The following SGCD variants were observed in gnomAD, a reference collection of about 807,000 sequenced individuals.
The protein encoded by SGCD is delta-sarcoglycan.
A neutral mutation model predicts 36.6 loss-of-function variants in SGCD; 18 were observed. The ratio of observed to expected loss-of-function variants is 0.49; its 90% CI spans 0.34 to 0.73. SGCD has a LOEUF of 0.73. SGCD is among the 30% of genes least tolerant of loss of function. SGCD has a pLI of 0.01. For missense variants in SGCD, 387 were observed against 346.7 expected (o/e 1.12, Z -0.92); for synonymous variants, 133 against 130.6 (o/e 1.02, Z -0.12).
chr5:156,685,006 G>A (rs922077303), intron 7 of SGCD, among the ~76,000 whole-genome samples: 27 of 152,236 alleles, frequency 1.8e-4, no homozygotes, highest in Middle Eastern at 6.8e-3. Context: ...AGATATACTC[G>A]CATTTAGGGA....
chr5:156,151,719 G>A (rs1419830878), intron 3 of SGCD, among the ~76,000 whole-genome samples: 2 of 151,626 alleles, frequency 1.3e-5, no homozygotes, highest in Admixed American at 6.6e-5. Context: ...GGAAGCCAAT[G>A]TAGAATACAC....
In SGCD at chr5:156,550,499, C is replaced by T. The variant is rs115128346; in HGVS notation, c.295-38732C>T. 2.8e-3 allele frequency among the ~76,000 whole-genome samples: 422 copies of T among 152,304 alleles called. 2 individuals carry two copies. The highest frequency in any genetic ancestry group is 9.9e-3 in the African/African-American group (410 of 41,564). On this transcript the variant is annotated intron_variant, in intron 4 of 8. Coordinates refer to ENST00000337851, the MANE Select transcript of SGCD (RefSeq NM_000337.6). ...GTGAGCCTGGGGCCTGCTGGTGCAG[C>T]CAGTAAGAGCTAACTTTATGACCAT...
intron 3 of SGCD, among the ~76,000 whole-genome samples, chr5:156,391,704 A>G (rs1771579090): frequency 6.6e-6 from 1 of 152,236 alleles, no homozygotes; most frequent in Non-Finnish European, 1.5e-5. Context: ...GGATTTTGGT[A>G]TCTGCAGGGG....
chr5:156,118,466 G>A (rs960494102), intron 2 of SGCD, among the ~76,000 whole-genome samples: 2 of 152,244 alleles, frequency 1.3e-5, no homozygotes, highest in South Asian at 4.1e-4. Flanking sequence ...CTGGGTGGAT[G>A]CACACAGAGA....
chr5:156,459,754 A>G (rs1401235070), intron 3 of SGCD, among the ~76,000 whole-genome samples: 1 of 152,168 alleles, frequency 6.6e-6, no homozygotes, highest in Admixed American at 6.5e-5. Flanking sequence ...TCAAGGTTTA[A>G]CTAAACTGAT....
At chr5:156,497,243 T>A (rs184545512) in intron 3 of SGCD, among the ~76,000 whole-genome samples, 1 of 151,574 alleles carries the variant, frequency 6.6e-6, no homozygotes, top group African/African-American at 2.4e-5. Flanking sequence ...AGATGGTTTC[T>A]AAAGAGAATC....
At chr5:156,465,742 A>T (rs903976854) in intron 3 of SGCD, among the ~76,000 whole-genome samples, 1 of 152,162 alleles carries the variant, frequency 6.6e-6, no homozygotes, top group African/African-American at 2.4e-5. Context: ...AATTGAATCA[A>T]TTCAAAGCCT....
the SGCD span, among the ~76,000 whole-genome samples, chr5:155,812,935 G>A: frequency 9.2e-3 from 1,394 of 152,262 alleles, 22 homozygotes; most frequent in African/African-American, 0.032. Context: ...GGAAAGTGAT[G>A]CTTTAAATGA....
At chr5:156,017,746 A>T (rs577232258) in intron 1 of SGCD, among the ~76,000 whole-genome samples, 2 of 152,108 alleles carry the variant, frequency 1.3e-5, no homozygotes, top group African/African-American at 2.4e-5. Context: ...GTCTTATTTT[A>T]TAGTTTTTAT....
rs149594751 is a variant in SGCD, at chr5:156,073,934, G to A, written c.-281-43944G>A. The stretch of plus-strand genomic sequence containing the variant: ...GAGAAAAGTGGCAAAGCACTGGGGT[G>A]GAGAGGAGCCATTTCATGGAAGAAG... On this transcript the variant is annotated intron_variant, in intron 1 of 9. Transcript: ENST00000517913. Among the ~76,000 whole-genome samples the A allele has an allele frequency of 1.9e-3, 287 of 152,280 alleles. 1 individual carries two copies. Among genetic ancestry groups the A allele is most frequent in the African/African-American group, 6.7e-3 (280 of 41,554 alleles).
chr5:156,334,612 T>TTTC (rs1768238095), intron 2 of SGCD, among the ~76,000 whole-genome samples: 2 of 145,866 alleles, frequency 1.4e-5, no homozygotes, highest in African/African-American at 2.6e-5. Context: ...CTATTTTCTT[T>TTTC]TTTTTTTTTT....
chr5:156,107,154 C>G (rs950614889), intron 1 of SGCD, among the ~76,000 whole-genome samples: 2 of 152,104 alleles, frequency 1.3e-5, no homozygotes, highest in African/African-American at 4.8e-5. Flanking sequence ...CTGCTGCTGT[C>G]TGCTACCAAT....
chr5:156,085,801 C>T (rs887721924), intron 1 of SGCD, among the ~76,000 whole-genome samples: 3 of 152,142 alleles, frequency 2.0e-5, no homozygotes, highest in South Asian at 4.1e-4. Context: ...CCAGGTGATC[C>T]AGGGTTTCTT....
chr5:156,368,578 CGTAGACCA>C (rs1236841458), intron 3 of SGCD, among the ~76,000 whole-genome samples: 1 of 152,136 alleles, frequency 6.6e-6, no homozygotes, highest in Non-Finnish European at 1.5e-5. Context: ...ACTTCTGGAC[CGTAGACCA>C]GTACTGGCTA....
chr5:156,668,786 G>A (rs900575561), intron 7 of SGCD, among the ~76,000 whole-genome samples: 1 of 152,152 alleles, frequency 6.6e-6, no homozygotes, highest in African/African-American at 2.4e-5. Context: ...TATAGGAAAA[G>A]CAAGGGGTGA....
intron 6 of SGCD, among the ~76,000 whole-genome samples, chr5:156,606,998 C>T (rs1207988321): frequency 1.3e-5 from 2 of 152,160 alleles, no homozygotes; most frequent in African/African-American, 2.4e-5. Context: ...CAAACAGGGA[C>T]AATTTGACTT....
chr5:156,558,455 C>T (rs1357486220), intron 4 of SGCD, among the ~76,000 whole-genome samples: 1 of 151,956 alleles, frequency 6.6e-6, no homozygotes, highest in Non-Finnish European at 1.5e-5. Context: ...TTAGTTTTGC[C>T]ACACTCCTAA....
At chr5:156,352,652 T>G (rs1440472978) in intron 3 of SGCD, among the ~76,000 whole-genome samples, 1 of 152,340 alleles carries the variant, frequency 6.6e-6, no homozygotes, top group East Asian at 1.9e-4. Flanking sequence ...TTGTCACTTG[T>G]GATCATGTAA....
Position 156,161,057 on chromosome 5 carries a change from C to G in SGCD, c.-44+37038C>G, listed in dbSNP as rs561617583. Among the ~76,000 whole-genome samples the G allele has an allele frequency of 3.2e-4, 49 of 151,834 alleles. 1 individual carries two copies. The Middle Eastern group carries it at 0.01, about 32-fold the overall frequency. ...ACAGCAGACTGGATTACCCTTATAG[C>G]CTGCTTAGATATTGGCATAATACAT... On this transcript the variant is annotated intron_variant, in intron 3 of 9. Coordinates refer to the SGCD transcript ENST00000517913.
Sources: allele counts gnomAD v4.1 joint callset (sites outside exome capture counted in the v4.1 genomes callset), GRCh38; gene constraint gnomAD v4.1.1; transcripts MANE v1.5; gene names NCBI Gene and HGNC (gene_info 2026-07-23, HGNC 2026-07-21).